The following PIK3R1 variants were observed in gnomAD, a reference collection of about 807,000 sequenced individuals.
PIK3R1 encodes phosphatidylinositol 3-kinase regulatory subunit alpha.
PIK3R1 carries 29 observed loss-of-function variants against 98.0 expected under a neutral mutation model. That is an observed-to-expected ratio of 0.30 (90% CI 0.22 to 0.40). The LOEUF is 0.40. PIK3R1 is among the 10% of genes least tolerant of loss of function. The pLI is 1.00. For synonymous variants in PIK3R1, 282 were observed against 311.8 expected, an observed-to-expected ratio of 0.90 and a Z score of 1.01; for missense variants, 596 against 872.7, an observed-to-expected ratio of 0.68 and a Z score of 3.99.
intron 2 of PIK3R1, among the ~76,000 whole-genome samples, chr5:68,238,449 A>G (rs1561264439): frequency 6.6e-6 from 1 of 152,176 alleles, no homozygotes. Flanking sequence ...CTGTTATAGT[A>G]TTTCCACTTA....
intron 7 of PIK3R1, chr5:68,288,393 G>C: frequency 8.6e-7 from 1 of 1,167,670 alleles, no homozygotes. Flanking sequence ...AGACGTGCGA[G>C]CGCCTGGGCT....
At chr5:68,283,652 A>G (rs568871624) in intron 7 of PIK3R1, among the ~76,000 whole-genome samples, 54 of 152,362 alleles carry the variant, frequency 3.5e-4, no homozygotes, top group Non-Finnish European at 5.7e-4. Context: ...TAGTATCACA[A>G]AAAACATCAT....
rs547315507 is a variant in PIK3R1, at chr5:68,295,818, A to G, written c.1814+330A>G. On this transcript the variant is annotated intron_variant, in intron 14 of 15. Transcript: ENST00000521381. ...AATATATTTTAAAGCTTAAGTATAT[A>G]CTTTGTTTGAATTAGTCAAAAACTG... The G allele has an allele frequency of 2.0e-5, 9 of 456,800 alleles. No individual in the cohort carries two copies. In the South Asian group the frequency reaches 2.3e-4, roughly 12 times the overall value. The allele number at this position is 456,800 out of a possible 1,614,324, so 28.3% of individuals were successfully genotyped here.
At chr5:68,240,257 C>T (rs1422757580) in intron 2 of PIK3R1, among the ~76,000 whole-genome samples, 1 of 152,150 alleles carries the variant, frequency 6.6e-6, no homozygotes, top group Admixed American at 6.5e-5. Context: ...TACTGTTCTA[C>T]TAAAAGCAGC....
chr5:68,272,252 C>CAAAAAAAAAAA (rs36123886), intron 2 of PIK3R1, among the ~76,000 whole-genome samples: 1 of 46,890 alleles, frequency 2.1e-5, no homozygotes, highest in African/African-American at 7.8e-5. Flanking sequence ...GACCCTGTCT[C>CAAAAAAAAAAA]AAAAAAAAAA....
Position 68,296,344 on chromosome 5 carries a change from A to G in PIK3R1, c.1985+3A>G, listed in dbSNP as rs542698066. 6.3e-6 allele frequency: 10 copies of G among 1,597,770 alleles called. No homozygotes were observed. Among genetic ancestry groups the G allele is most frequent in the South Asian group, 1.1e-5 (1 of 89,342 alleles). ...GGCTGCTATGCCTGCTCTGTAGTGTATGTATCTCCAGCAAACTTTTCTTTA... is the reference window on the plus strand; with the variant it reads ...GGCTGCTATGCCTGCTCTGTAGTGTGTGTATCTCCAGCAAACTTTTCTTTA... On this transcript the variant is annotated splice_donor_region_variant and intron_variant, in intron 15 of 15. Transcript: ENST00000521381.
intron 2 of PIK3R1, among the ~76,000 whole-genome samples, chr5:68,260,758 ATCT>A (rs1190341106): frequency 1.3e-5 from 2 of 152,148 alleles, no homozygotes; most frequent in South Asian, 2.1e-4. Context: ...CAATTTCATG[ATCT>A]TCTTCTCCCC....
chr5:68,268,935 G>A (rs577168785), intron 2 of PIK3R1, among the ~76,000 whole-genome samples: 2 of 152,292 alleles, frequency 1.3e-5, no homozygotes, highest in East Asian at 3.9e-4. Context: ...AAGGGCTGAA[G>A]TTTGGAGAGA....
chr5:68,288,412 C>A, intron 7 of PIK3R1: 1 of 1,218,234 alleles, frequency 8.2e-7, no homozygotes, highest in Non-Finnish European at 1.0e-6. Flanking sequence ...CTCCTTTCCT[C>A]CCCGATACAG....
intron 7 of PIK3R1, chr5:68,288,698 A>C (rs201664212): frequency 1.2e-6 from 2 of 1,602,498 alleles, no homozygotes; most frequent in African/African-American, 2.7e-5. Flanking sequence ...TTTTTTTTTC[A>C]TTGTCGGATA....
chr5:68,283,885 C>T (rs1272603113), intron 7 of PIK3R1, among the ~76,000 whole-genome samples: 2 of 152,202 alleles, frequency 1.3e-5, no homozygotes, highest in African/African-American at 2.4e-5. Flanking sequence ...CAATCAAAAA[C>T]TCCTCTGAAG....
chr5:68,257,534 C>T (rs1345131882), intron 2 of PIK3R1, among the ~76,000 whole-genome samples: 3 of 152,342 alleles, frequency 2.0e-5, no homozygotes, highest in African/African-American at 7.2e-5. Flanking sequence ...CTGTACTACA[C>T]TTTGAATTTA....
At position 68,278,807 on chromosome 5, in the gene PIK3R1, G is replaced by A. The variant is rs561304570; in HGVS notation, c.503-795G>A. Among the ~76,000 whole-genome samples the A allele has an allele frequency of 4.6e-5, 7 of 152,210 alleles. No homozygotes were observed. In the South Asian group the frequency reaches 6.2e-4, roughly 14 times the overall value. Reference sequence around the variant, plus strand: ...ATACAAAAATTAGCCAGGCGTGGTGGTACACACCTGTAATCCCACCTACTC... The same window carrying A: ...ATACAAAAATTAGCCAGGCGTGGTGATACACACCTGTAATCCCACCTACTC... On this transcript the variant is annotated intron_variant, in intron 4 of 15. Transcript: ENST00000521381.
intron 1 of PIK3R1, chr5:68,217,465 G>C (rs2111918536): frequency 6.6e-6 from 1 of 152,228 alleles, no homozygotes. Flanking sequence ...GAAAAAGGAA[G>C]AAAAAGCAAC....
At position 68,301,636 on chromosome 5, in the gene PIK3R1, G is replaced by C. The variant is rs191301115; in HGVS notation, c.*4035G>C. ...TAAAATAAAGTTGGTCTTTTGACGA[G>C]AGGGAGGATGTCACGGTCAGTTGTA... is the stretch of plus-strand genomic sequence containing the variant. On this transcript the variant is annotated 3_prime_UTR_variant, in exon 16 of 16. Coordinates refer to ENST00000521381, the MANE Select transcript of PIK3R1 (RefSeq NM_181523.3). 1 of 147,844 alleles carries C rather than the reference G, an allele frequency of 6.8e-6. No individual in the cohort carries two copies. The highest frequency in any genetic ancestry group is 1.6e-4 in the East Asian group (1 of 6,294). 9.2% of individuals were successfully genotyped at this position (147,844 alleles called of 1,614,324 possible).
At chr5:68,263,720 A>G (rs1746003660) in intron 2 of PIK3R1, among the ~76,000 whole-genome samples, 1 of 152,208 alleles carries the variant, frequency 6.6e-6, no homozygotes, top group Admixed American at 6.5e-5. Context: ...AACTTTTAAA[A>G]TGAAGTCTGA....
At chr5:68,227,349 A>G (rs1045083713) in intron 2 of PIK3R1, among the ~76,000 whole-genome samples, 3 of 152,218 alleles carry the variant, frequency 2.0e-5, no homozygotes, top group Non-Finnish European at 4.4e-5. Flanking sequence ...GTCTGAAAAT[A>G]TGAAATCTAA....
intron 1 of PIK3R1, among the ~76,000 whole-genome samples, chr5:68,219,502 A>G (rs1296993302): frequency 6.6e-6 from 1 of 152,210 alleles, no homozygotes; most frequent in Non-Finnish European, 1.5e-5. Context: ...GGGCTGTACC[A>G]TGAGGACACA....
At chr5:68,261,503 TA>T (rs780975718) in intron 2 of PIK3R1, among the ~76,000 whole-genome samples, 34 of 149,108 alleles carry the variant, frequency 2.3e-4, no homozygotes, top group East Asian at 2.0e-3. Context: ...AATACTCTTT[TA>T]AAAAAAAAAG....
Sources: allele counts gnomAD v4.1 joint callset (sites outside exome capture counted in the v4.1 genomes callset), GRCh38; gene constraint gnomAD v4.1.1; transcripts MANE v1.5; gene names NCBI Gene and HGNC (gene_info 2026-07-23, HGNC 2026-07-21).